Variants in CDC42BPA observed in about 807,000 individuals in gnomAD.
CDC42BPA encodes serine/threonine-protein kinase MRCK alpha.
CDC42BPA carries 80 observed loss-of-function variants against 223.5 expected under a neutral mutation model. The observed-to-expected ratio is 0.36, with a 90% confidence interval of 0.30 to 0.43. The LOEUF is 0.43. Among genes scored for constraint, CDC42BPA ranks in the 20% least tolerant of loss-of-function variants. The pLI is 1.00. For missense variants in CDC42BPA, 1,743 were observed against 2,099.9 expected (o/e 0.83, Z 3.32); for synonymous variants, 694 against 718.6 (o/e 0.97, Z 0.55).
intron 24 of CDC42BPA, 72 bp from the exon 25 acceptor site, chr1:227,035,679 C>T (rs996575000): frequency 9.4e-7 from 1 of 1,064,662 alleles, no homozygotes; most frequent in Non-Finnish European, 1.3e-6. Context: ...ACACTCACTG[C>T]ATACAAGATG....
intron 5 of CDC42BPA, among the ~76,000 whole-genome samples, chr1:227,170,051 A>C (rs899623487): frequency 6.6e-6 from 1 of 152,046 alleles, no homozygotes. Flanking sequence ...GAACCTTGCC[A>C]CTCACCCATC....
chr1:227,221,568 C>A, intron 2 of CDC42BPA, among the ~76,000 whole-genome samples: 1 of 54,842 alleles, frequency 1.8e-5, no homozygotes, highest in Non-Finnish European at 3.2e-5. Flanking sequence ...TGGCCTAGTT[C>A]AAGACCTCAT....
At chr1:227,227,012 T>C (rs563065662) in intron 2 of CDC42BPA, among the ~76,000 whole-genome samples, 1 of 152,162 alleles carries the variant, frequency 6.6e-6, no homozygotes, top group South Asian at 2.1e-4. Flanking sequence ...TCAAGAGAGC[T>C]AATAGGGAAA....
At chr1:227,144,670 A>T (rs1660382130) in intron 8 of CDC42BPA, among the ~76,000 whole-genome samples, 1 of 151,710 alleles carries the variant, frequency 6.6e-6, no homozygotes, top group Non-Finnish European at 1.5e-5. Context: ...TTTTAATCTC[A>T]TATAACCTAA....
chr1:227,278,501 T>G (rs1470511268), intron 1 of CDC42BPA, among the ~76,000 whole-genome samples: 1 of 152,202 alleles, frequency 6.6e-6, no homozygotes, highest in African/African-American at 2.4e-5. Context: ...ACCCCAATGT[T>G]CTGGGATTCC....
At chr1:227,014,127 T>C (rs1665750147) in intron 34 of CDC42BPA, among the ~76,000 whole-genome samples, 1 of 151,838 alleles carries the variant, frequency 6.6e-6, no homozygotes, top group African/African-American at 2.4e-5. Context: ...CAAATGTTCC[T>C]AATGGGAAAA....
intron 35 of CDC42BPA, among the ~76,000 whole-genome samples, chr1:226,996,112 T>G (rs1661545515): frequency 6.6e-6 from 1 of 152,234 alleles, no homozygotes. Context: ...TCAGCTTCTT[T>G]GCGAAGCCCC....
intron 21 of CDC42BPA, among the ~76,000 whole-genome samples, chr1:227,058,547 C>A (rs957491065): frequency 2.0e-5 from 3 of 152,200 alleles, no homozygotes; most frequent in Admixed American, 2.0e-4. Context: ...AAAATCCCAA[C>A]ACTGTCAGCT....
rs187854751 is a variant in CDC42BPA, at chr1:227,072,428, C to T, written c.2736-129G>A. On this transcript the variant is annotated intron_variant, in intron 19 of 36. Coordinates refer to ENST00000366766, the MANE Select transcript of CDC42BPA (RefSeq NM_001394014.1). ...TAAATTAGGGGACTATAAATTACTGCGGGAAGAACAAATACAGCTTGCTAC... is the reference window on the plus strand; with the variant it reads ...TAAATTAGGGGACTATAAATTACTGTGGGAAGAACAAATACAGCTTGCTAC... 2.5e-4 allele frequency: 146 copies of T among 590,566 alleles called. No individual in the cohort carries two copies. The Admixed American group carries it at 3.1e-3, about 13-fold the overall frequency. The allele number at this position is 590,566 out of a possible 1,614,324, so 36.6% of individuals were successfully genotyped here. A position where few individuals can be genotyped will look rare whatever the true frequency, so the allele number is the denominator to read the frequency against.
chr1:227,161,633 T>C (rs1663914583), intron 5 of CDC42BPA, among the ~76,000 whole-genome samples: 1 of 152,226 alleles, frequency 6.6e-6, no homozygotes, highest in Admixed American at 6.5e-5. Context: ...GTTAGTAAAT[T>C]ATGGCCCACG....
intron 2 of CDC42BPA, among the ~76,000 whole-genome samples, chr1:227,213,852 G>T (rs1674376899): frequency 6.6e-6 from 1 of 151,662 alleles, no homozygotes; most frequent in Admixed American, 6.6e-5. Context: ...AAAAAAAAAG[G>T]AACATCTATT....
chr1:227,051,386 G>GT lies in CDC42BPA; in HGVS notation c.3009+494dup, dbSNP rs530195737. ...TGACATGAAGTGTAAACACAACACA[G>GT]TTTTTTTTGCACTATTAAATGTCAG... On this transcript the variant is annotated intron_variant, in intron 22 of 36. Transcript: ENST00000366766. 2.4e-4 allele frequency among the ~76,000 whole-genome samples: 36 copies of GT among 151,946 alleles called. No homozygotes were observed. The South Asian group carries it at 6.9e-3, about 29-fold the overall frequency.
At chr1:227,046,449 T>C (rs997766565) in intron 23 of CDC42BPA, among the ~76,000 whole-genome samples, 18 of 152,080 alleles carry the variant, frequency 1.2e-4, no homozygotes, top group Admixed American at 9.8e-4. Context: ...TACATGGACT[T>C]TTGCCAAATC....
chr1:227,079,871 A>T (rs200800565), intron 17 of CDC42BPA, among the ~76,000 whole-genome samples: 122 of 149,550 alleles, frequency 8.2e-4, no homozygotes, highest in South Asian at 4.0e-3. Context: ...TTTTTTTTTT[A>T]AATTTTGGAA....
chr1:227,044,339 A>G (rs10916080), intron 23 of CDC42BPA, among the ~76,000 whole-genome samples: 96,099 of 151,994 alleles, frequency 0.63, 30,529 homozygotes, highest in East Asian at 0.72. Flanking sequence ...TAATTTTGAT[A>G]TAAAGCCCAC....
At position 227,035,471 on chromosome 1, in the gene CDC42BPA, C is replaced by T. The variant is rs1288517528; in HGVS notation, c.3336G>A (p.Arg1112=). The change falls in exon 25 of 37, where the codon AGG becomes AGA. Residue 1112 remains arginine (R), a splice_region_variant and synonymous_variant. Coordinates refer to ENST00000366766, the MANE Select transcript of CDC42BPA (RefSeq NM_001394014.1). ...CTAAACCCAACTTAATCATACTTAC[C>T]CTGACATGACCTTCATATGCTGTTC... ...GIGTAYEGHV[R]IPKPAGVKKG... 1.9e-6 allele frequency: 3 copies of T among 1,603,548 alleles called. No homozygotes were observed. The highest frequency in any genetic ancestry group is 1.3e-5 in the African/African-American group (1 of 74,318).
chr1:227,220,524 A>C (rs1324680694), intron 2 of CDC42BPA, among the ~76,000 whole-genome samples: 1 of 151,648 alleles, frequency 6.6e-6, no homozygotes, highest in Non-Finnish European at 1.5e-5. Context: ...GAACTTTACT[A>C]ATCTTCCAAA....
intron 2 of CDC42BPA, among the ~76,000 whole-genome samples, chr1:227,231,062 T>C (rs968344340): frequency 1.3e-5 from 2 of 152,018 alleles, no homozygotes; most frequent in Non-Finnish European, 2.9e-5. Context: ...TGTATACATG[T>C]GCCATGTTGA....
chr1:227,275,398 A>C (rs989599083), intron 1 of CDC42BPA, among the ~76,000 whole-genome samples: 1 of 149,348 alleles, frequency 6.7e-6, no homozygotes, highest in African/African-American at 2.4e-5. Flanking sequence ...GAACTTTAAA[A>C]GATGGAAAAG....
Sources: gnomAD v4.1 joint callset for allele counts (sites outside exome capture counted in the v4.1 genomes callset) on GRCh38, gnomAD v4.1.1 for gene constraint, MANE v1.5 for transcripts, NCBI Gene and HGNC (gene_info 2026-07-23, HGNC 2026-07-21) for gene names.